NEDD9: variants seen among roughly 807,000 people sequenced by gnomAD.
NEDD9 encodes the protein neural precursor cell expressed, developmentally down-regulated 9.
Under a neutral mutation model 76.6 loss-of-function variants are expected in NEDD9, and 26 were observed. That is an observed-to-expected ratio of 0.34 (90% CI 0.25 to 0.47). The LOEUF (loss-of-function observed/expected upper bound fraction) is 0.47, where lower values mean the gene tolerates loss of function less well. Among genes scored for constraint, NEDD9 ranks in the 20% least tolerant of loss-of-function variants. The probability of loss-of-function intolerance (pLI) is 1.00; values close to 1 mark genes in which losing one functional copy is unlikely to be tolerated. For missense variants in NEDD9, 937 were observed against 1,058.5 expected (o/e 0.89, Z 1.59); for synonymous variants, 392 against 414.2 (o/e 0.95, Z 0.65).
intron 2 of NEDD9, among the ~76,000 whole-genome samples, chr6:11,196,871 C>CT (rs911423183): frequency 1.3e-5 from 2 of 152,154 alleles, no homozygotes; most frequent in African/African-American, 2.4e-5. Flanking sequence ...AAGTCTTCTA[C>CT]TTTTGGACAT....
At chr6:11,367,289 A>T (rs1307193943) in intron 1 of NEDD9, among the ~76,000 whole-genome samples, 3 of 152,256 alleles carry the variant, frequency 2.0e-5, no homozygotes, top group African/African-American at 7.2e-5. Flanking sequence ...AGGAAGACAA[A>T]AGCTTACCGA....
At chr6:11,224,689 G>C (rs1250660208) in intron 1 of NEDD9, among the ~76,000 whole-genome samples, 1 of 152,172 alleles carries the variant, frequency 6.6e-6, no homozygotes. Flanking sequence ...GAAGTAGCTG[G>C]AGTGTCTAGA....
chr6:11,217,168 A>G (rs1380377589), intron 1 of NEDD9, among the ~76,000 whole-genome samples: 2 of 152,256 alleles, frequency 1.3e-5, no homozygotes, highest in East Asian at 3.8e-4. Context: ...CAGTAAGACC[A>G]TAACAGCCAA....
At chr6:11,304,249 C>A (rs956363441) in intron 3 of NEDD9, among the ~76,000 whole-genome samples, 2 of 152,132 alleles carry the variant, frequency 1.3e-5, no homozygotes, top group East Asian at 1.9e-4. Flanking sequence ...ATCAAAACCA[C>A]AAAGAGATAC....
chr6:11,212,071 AT>A (rs1381286890), intron 2 of NEDD9, among the ~76,000 whole-genome samples: 1 of 152,180 alleles, frequency 6.6e-6, no homozygotes, highest in Non-Finnish European at 1.5e-5. Flanking sequence ...CATCAAATAG[AT>A]ATTCCCTAAT....
intron 2 of NEDD9, among the ~76,000 whole-genome samples, chr6:11,309,365 C>T (rs116837386): frequency 0.011 from 1,643 of 152,226 alleles, 19 homozygotes; most frequent in Non-Finnish European, 0.017. Flanking sequence ...AATAATGCTA[C>T]GTAGATCTTT....
chr6:11,233,097 G>A (rs148632708), upstream of NEDD9, among the ~76,000 whole-genome samples: 427 of 151,974 alleles, frequency 2.8e-3, 3 homozygotes, highest in African/African-American at 9.2e-3. Context: ...GGAACAAAAG[G>A]TTTTCTGTCT....
At chr6:11,255,139 G>A (rs563095616) in intron 3 of NEDD9, among the ~76,000 whole-genome samples, 1 of 152,322 alleles carries the variant, frequency 6.6e-6, no homozygotes, top group South Asian at 2.1e-4. Flanking sequence ...AGGGTTCATG[G>A]AGAAATGAGT....
At chr6:11,356,707 C>A (rs1453160213) in intron 1 of NEDD9, among the ~76,000 whole-genome samples, 4 of 151,792 alleles carry the variant, frequency 2.6e-5, no homozygotes, top group African/African-American at 9.7e-5. Flanking sequence ...TCTCTTTAAT[C>A]GTTGGCATCA....
At chr6:11,286,486 A>G (rs1760651979) in intron 3 of NEDD9, among the ~76,000 whole-genome samples, 1 of 152,232 alleles carries the variant, frequency 6.6e-6, no homozygotes, top group African/African-American at 2.4e-5. Context: ...CCAAGAGAAA[A>G]GAAAGCCTAT....
At chr6:11,305,465 C>T (rs932516583) in intron 3 of NEDD9, 1 of 210,554 alleles carries the variant, frequency 4.7e-6, no homozygotes, top group Admixed American at 5.3e-5. Context: ...CATATCATTT[C>T]TTCTACTGAA....
intron 3 of NEDD9, among the ~76,000 whole-genome samples, chr6:11,293,454 T>C (rs1311830473): frequency 2.6e-5 from 4 of 152,184 alleles, no homozygotes; most frequent in African/African-American, 4.8e-5. Flanking sequence ...GAGAAATTTC[T>C]TTGTTTTCTA....
intron 2 of NEDD9, among the ~76,000 whole-genome samples, chr6:11,311,572 A>T (rs1561828431): frequency 6.6e-6 from 1 of 152,164 alleles, no homozygotes; most frequent in Non-Finnish European, 1.5e-5. Flanking sequence ...TCCCTCTCTA[A>T]GCTTCAATCT....
intron 3 of NEDD9, among the ~76,000 whole-genome samples, chr6:11,260,401 G>T (rs1181180869): frequency 6.6e-6 from 1 of 152,222 alleles, no homozygotes; most frequent in African/African-American, 2.4e-5. Context: ...ACATTAGGGT[G>T]TGTGCCTTTG....
At chr6:11,381,379 A>G (rs1763060922) in intron 1 of NEDD9, among the ~76,000 whole-genome samples, 1 of 152,214 alleles carries the variant, frequency 6.6e-6, no homozygotes, top group Non-Finnish European at 1.5e-5. Context: ...AATTATGTAT[A>G]ACCCTTTCAG....
chr6:11,355,318 T>C (rs1762544518), intron 1 of NEDD9, among the ~76,000 whole-genome samples: 1 of 152,066 alleles, frequency 6.6e-6, no homozygotes, highest in Non-Finnish European at 1.5e-5. Context: ...CCATAGTAAT[T>C]TAGTAAGAAC....
chr6:11,271,574 G>A (rs1001979462), intron 3 of NEDD9: 1 of 152,222 alleles, frequency 6.6e-6, no homozygotes, highest in Non-Finnish European at 1.5e-5. Context: ...TGTGGGGAGG[G>A]AGTAAACATA....
intron 2 of NEDD9, among the ~76,000 whole-genome samples, chr6:11,319,349 G>A (rs115141979): frequency 0.078 from 11,759 of 151,214 alleles, 598 homozygotes; most frequent in Admixed American, 0.16. Context: ...ACACTCACAT[G>A]CACACTCACA....
chr6:11,193,291 A>G (rs1758206818), intron 3 of NEDD9, among the ~76,000 whole-genome samples: 1 of 151,990 alleles, frequency 6.6e-6, no homozygotes, highest in Non-Finnish European at 1.5e-5. Context: ...AGCCTGGGCA[A>G]CAAAGTGAGA....
Sources: allele counts gnomAD v4.1 joint callset (sites outside exome capture counted in the v4.1 genomes callset), GRCh38; gene constraint gnomAD v4.1.1; transcripts MANE v1.5; gene names NCBI Gene and HGNC (gene_info 2026-07-23, HGNC 2026-07-21).